CFAP97: variants seen among roughly 807,000 people sequenced by gnomAD.
The protein encoded by CFAP97 is cilia and flagella associated protein 97.
In CFAP97, 36 loss-of-function variants were observed where a neutral mutation model predicts 43.1. The ratio of observed to expected loss-of-function variants is 0.84; its 90% CI spans 0.64 to 1.10. CFAP97 has a LOEUF of 1.10. CFAP97 is among the 50% of genes least tolerant of loss of function. CFAP97 has a pLI of 0.00. For missense variants in CFAP97, 657 were observed against 620.3 expected, an observed-to-expected ratio of 1.06 and a Z score of -0.63; for synonymous variants, 228 against 225.7, an observed-to-expected ratio of 1.01 and a Z score of -0.09.
At position 185,190,126 on chromosome 4, in the gene CFAP97, GAAGAA is replaced by G. The variant is rs763917289; in HGVS notation, c.1054+12_1054+16del. On this transcript the variant is annotated intron_variant, in intron 2 of 4. Coordinates refer to ENST00000458385, the MANE Select transcript of CFAP97 (RefSeq NM_020827.3). Reference sequence around the variant, plus strand: ...ATAATATTTAAACACACATTTTTAAGAAGAAAAGAAAATTACCTTTCAAGAGATGA... The same window carrying G: ...ATAATATTTAAACACACATTTTTAAGAAGAAAATTACCTTTCAAGAGATGA... 3 of 1,517,124 alleles carry G rather than the reference GAAGAA, an allele frequency of 2.0e-6. No homozygotes were observed. In the African/African-American group the frequency reaches 4.2e-5, roughly 21 times the overall value. 94.0% of individuals were successfully genotyped at this position (1,517,124 alleles called of 1,614,324 possible).
intron 3 of CFAP97, among the ~76,000 whole-genome samples, chr4:185,172,992 G>C (rs546044621): frequency 6.6e-6 from 1 of 152,080 alleles, no homozygotes; most frequent in Non-Finnish European, 1.5e-5. Context: ...TGTCAAACAG[G>C]CTCCAATATA....
At position 185,175,788 on chromosome 4, in the gene CFAP97, A is replaced by G; in HGVS notation, c.1318T>C (p.Leu440=). ...KEQQRIEREN[L]ALLKRLEAVK... ...GACTAATTATTTCAGTTACTTACCAAGTTTTCTCTCTCAATCCTTTGTTGT... is the reference window on the plus strand; with the variant it reads ...GACTAATTATTTCAGTTACTTACCAGGTTTTCTCTCTCAATCCTTTGTTGT... Residue 440 remains leucine (L), a splice_region_variant and synonymous_variant, in exon 3 of 5, where the codon TTG becomes CTG. Transcript: ENST00000458385. 2 of 1,610,050 alleles carry G rather than the reference A, an allele frequency of 1.2e-6. No individual in the cohort carries two copies. Among genetic ancestry groups the G allele is most frequent in the Admixed American group, 1.7e-5 (1 of 59,498 alleles).
intron 1 of CFAP97, among the ~76,000 whole-genome samples, chr4:185,192,758 T>TTTTTAG (rs376440116): frequency 6.2e-5 from 8 of 128,282 alleles, no homozygotes; most frequent in Admixed American, 8.4e-5. Context: ...TTTTTTTTTT[T>TTTTTAG]GAGACGGAGT....
intron 3 of CFAP97, among the ~76,000 whole-genome samples, chr4:185,166,941 C>T (rs1028511796): frequency 1.3e-5 from 2 of 152,054 alleles, no homozygotes; most frequent in African/African-American, 4.8e-5. Context: ...TGCGGCCCAG[C>T]GCAAATTCAT....
upstream of CFAP97, chr4:185,210,155 T>G: frequency 2.0e-6 from 2 of 984,094 alleles, no homozygotes; most frequent in Non-Finnish European, 2.4e-6. This position sits in a 1 kb window ranked among gnomAD's most constrained non-coding sequence, Gnocchi z 4.4. Context: ...CTGGGGATCC[T>G]GTTTGCCCTC....
upstream of CFAP97, chr4:185,209,852 G>GCGGCGC: frequency 9.2e-6 from 9 of 983,480 alleles, no homozygotes; most frequent in Non-Finnish European, 1.1e-5. The surrounding 1 kb of genome is among the most constrained non-coding windows in gnomAD (Gnocchi z 5.2). Context: ...ACCGACAGTG[G>GCGGCGC]CGGCGCCGGC....
chr4:185,171,982 C>T (rs1735322816), intron 3 of CFAP97, among the ~76,000 whole-genome samples: 1 of 152,164 alleles, frequency 6.6e-6, no homozygotes, highest in Admixed American at 6.5e-5. Flanking sequence ...TCAGGCAACC[C>T]TCCTGCCCTG....
At chr4:185,210,119 T>A (rs1038794245), upstream of CFAP97, 7 of 983,972 alleles carry the variant, frequency 7.1e-6, no homozygotes, top group Non-Finnish European at 7.2e-6. This position sits in a 1 kb window ranked among gnomAD's most constrained non-coding sequence, Gnocchi z 4.4. Flanking sequence ...AGCCTGTACC[T>A]GAGCTGCGCG....
Position 185,162,299 on chromosome 4 carries a change from A to T in CFAP97, c.*499T>A, listed in dbSNP as rs909172521. 1 of 155,544 alleles carries T rather than the reference A, an allele frequency of 6.4e-6. No individual in the cohort carries two copies. Among genetic ancestry groups the T allele is most frequent in the Non-Finnish European group, 1.4e-5 (1 of 70,222 alleles). The allele number at this position is 155,544 out of a possible 1,614,324, so 9.6% of individuals were successfully genotyped here. ...CAAATCTAGATCAGCTCTACCAGTG[A>T]AAACAAATTTCAAGATTTGTTTCAT... On this transcript the variant is annotated 3_prime_UTR_variant, in exon 5 of 5. Coordinates refer to ENST00000458385, the MANE Select transcript of CFAP97 (RefSeq NM_020827.3).
chr4:185,206,288 A>C (rs1197123923), upstream of CFAP97, among the ~76,000 whole-genome samples: 1 of 152,230 alleles, frequency 6.6e-6, no homozygotes, highest in African/African-American at 2.4e-5. Context: ...AGAATGTAGT[A>C]GATACATAAA....
chr4:185,164,243 A>C, intron 3 of CFAP97, 64 bp from the exon 4 acceptor site: 2 of 1,456,744 alleles, frequency 1.4e-6, no homozygotes, highest in South Asian at 2.4e-5. Flanking sequence ...ACAAGGCAAT[A>C]CATTCTAGAG....
chr4:185,193,934 A>T (rs1421760448), intron 1 of CFAP97, among the ~76,000 whole-genome samples: 1 of 140,780 alleles, frequency 7.1e-6, no homozygotes, highest in Non-Finnish European at 1.6e-5. Flanking sequence ...ATTACTTGGA[A>T]CATGGAAAAG....
intron 1 of CFAP97, among the ~76,000 whole-genome samples, chr4:185,201,849 C>T (rs1736845711): frequency 6.6e-6 from 1 of 152,202 alleles, no homozygotes; most frequent in Admixed American, 6.5e-5. Context: ...ATGATCTCTT[C>T]ATGTCGTATC....
At chr4:185,165,671 C>T (rs747555020) in intron 3 of CFAP97, among the ~76,000 whole-genome samples, 1 of 152,240 alleles carries the variant, frequency 6.6e-6, no homozygotes, top group Non-Finnish European at 1.5e-5. Flanking sequence ...CAAGTTTTCT[C>T]TGTACAATCT....
At chr4:185,194,254 C>T (rs1038709668) in intron 1 of CFAP97, among the ~76,000 whole-genome samples, 6 of 152,092 alleles carry the variant, frequency 3.9e-5, no homozygotes, top group African/African-American at 1.2e-4. Flanking sequence ...TTTGGGAAGC[C>T]GAGGCGGGTG....
At chr4:185,198,044 C>G (rs1341933577) in intron 1 of CFAP97, among the ~76,000 whole-genome samples, 1 of 152,164 alleles carries the variant, frequency 6.6e-6, no homozygotes, top group Non-Finnish European at 1.5e-5. Flanking sequence ...AAAGCCTAGT[C>G]CAAAGCAAGG....
At chr4:185,191,986 T>A (rs1331110041) in intron 1 of CFAP97, among the ~76,000 whole-genome samples, 1 of 152,006 alleles carries the variant, frequency 6.6e-6, no homozygotes, top group African/African-American at 2.4e-5. Context: ...ACAAGAAACA[T>A]CTCATAGGAC....
At chr4:185,173,938 T>C (rs1735413809) in intron 3 of CFAP97, among the ~76,000 whole-genome samples, 1 of 152,164 alleles carries the variant, frequency 6.6e-6, no homozygotes, top group African/African-American at 2.4e-5. Flanking sequence ...CCATTGAATG[T>C]GTACACGTTA....
chr4:185,197,233 A>C (rs1736596175), intron 1 of CFAP97, among the ~76,000 whole-genome samples: 1 of 152,050 alleles, frequency 6.6e-6, no homozygotes, highest in Admixed American at 6.6e-5. Context: ...ACACTGAAGA[A>C]ATGAAGAGAT....
Sources: allele counts gnomAD v4.1 joint callset (sites outside exome capture counted in the v4.1 genomes callset), GRCh38; gene constraint gnomAD v4.1.1; non-coding constraint Gnocchi (gnomAD v3.1); transcripts MANE v1.5; gene names NCBI Gene and HGNC (gene_info 2026-07-23, HGNC 2026-07-21).